PEPD: variants seen among roughly 807,000 people sequenced by gnomAD.
The protein encoded by PEPD is xaa-Pro dipeptidase.
A neutral mutation model predicts 60.7 loss-of-function variants in PEPD; 53 were observed. The observed-to-expected ratio is 0.87, with a 90% CI of 0.70 to 1.10. PEPD has a LOEUF of 1.10. Ranked by LOEUF, PEPD falls within the 50% of genes least tolerant of loss-of-function variation. The probability of loss-of-function intolerance (pLI) is 0.00; values close to 1 mark genes in which losing one functional copy is unlikely to be tolerated. For missense variants in PEPD, 711 were observed against 711.9 expected (o/e 1.00, Z 0.01); for synonymous variants, 267 against 284.1 (o/e 0.94, Z 0.60).
chr19:33,422,721 C>T (rs543307924), intron 9 of PEPD, among the ~76,000 whole-genome samples: 1 of 151,524 alleles, frequency 6.6e-6, no homozygotes, highest in Non-Finnish European at 1.5e-5. Flanking sequence ...CCCATCTATC[C>T]ATCCATCCCT....
At chr19:33,514,781 GC>G (rs1182273482) in intron 1 of PEPD, among the ~76,000 whole-genome samples, 1 of 151,538 alleles carries the variant, frequency 6.6e-6, no homozygotes, top group Non-Finnish European at 1.5e-5. Flanking sequence ...ACAGCGCCCT[GC>G]CCCACAGCAC....
intron 9 of PEPD, among the ~76,000 whole-genome samples, chr19:33,429,804 C>T (rs1300939372): frequency 6.6e-6 from 1 of 152,162 alleles, no homozygotes; most frequent in Non-Finnish European, 1.5e-5. Context: ...CCACAAATGT[C>T]CCGATTGCAA....
At chr19:33,393,200 G>A (rs923150112) in intron 12 of PEPD, among the ~76,000 whole-genome samples, 1 of 149,252 alleles carries the variant, frequency 6.7e-6, no homozygotes, top group African/African-American at 2.5e-5. Context: ...GCCGTCCCGG[G>A]GTCTGGGGTC....
At chr19:33,410,016 G>A (rs868325300) in intron 11 of PEPD, among the ~76,000 whole-genome samples, 1 of 152,248 alleles carries the variant, frequency 6.6e-6, no homozygotes, top group Non-Finnish European at 1.5e-5. Flanking sequence ...CCCCGAGCAC[G>A]GTGGCTACGC....
intron 9 of PEPD, among the ~76,000 whole-genome samples, chr19:33,427,209 G>A (rs1315206671): frequency 1.3e-5 from 2 of 152,200 alleles, no homozygotes; most frequent in Non-Finnish European, 2.9e-5. Context: ...GAGTGCCTTG[G>A]CCAGGGATGC....
chr19:33,505,868 C>T (rs1970791770), intron 3 of PEPD, among the ~76,000 whole-genome samples: 1 of 133,230 alleles, frequency 7.5e-6, no homozygotes, highest in South Asian at 2.8e-4. Flanking sequence ...CCCACCACAC[C>T]CCATCACAAA....
At chr19:33,434,252 C>T (rs1969332109) in intron 9 of PEPD, among the ~76,000 whole-genome samples, 1 of 152,170 alleles carries the variant, frequency 6.6e-6, no homozygotes, top group Non-Finnish European at 1.5e-5. Flanking sequence ...CCGCCATACA[C>T]AGGCTTGGCA....
intron 13 of PEPD, among the ~76,000 whole-genome samples, 195 bp downstream of exon 13, chr19:33,391,100 A>T (rs1278087351): frequency 6.6e-6 from 1 of 152,040 alleles, no homozygotes; most frequent in Non-Finnish European, 1.5e-5. Context: ...TGGAATGCTC[A>T]CAGATGCACC....
intron 1 of PEPD, among the ~76,000 whole-genome samples, chr19:33,517,666 A>G (rs193129920): frequency 4.9e-4 from 74 of 151,786 alleles, no homozygotes; most frequent in Admixed American, 2.0e-3. Flanking sequence ...AGATCTCTGC[A>G]CTAGAATGTG....
At position 33,510,931 on chromosome 19, in the gene PEPD, C is replaced by G. The variant is rs562801221; in HGVS notation, c.329+97G>C. On this transcript the variant is annotated intron_variant, in intron 3 of 14. Coordinates refer to ENST00000244137, the MANE Select transcript of PEPD (RefSeq NM_000285.4). ...CCTCCTGCAGCTCTTCCCTCCTCCCCGTCCCCAGGCCCAACCCAGCTCTCT... is the reference window on the plus strand; with the variant it reads ...CCTCCTGCAGCTCTTCCCTCCTCCCGGTCCCCAGGCCCAACCCAGCTCTCT... 27 of 1,310,350 alleles carry G rather than the reference C, an allele frequency of 2.1e-5. No individual in the cohort carries two copies. The East Asian group carries it at 6.7e-4, about 33-fold the overall frequency. The allele number at this position is 1,310,350 out of a possible 1,614,324, so 81.2% of individuals were successfully genotyped here. A position where few individuals can be genotyped will look rare whatever the true frequency, so the allele number is the denominator to read the frequency against.
intron 1 of PEPD, among the ~76,000 whole-genome samples, 161 bp downstream of exon 1, chr19:33,521,583 G>T (rs1971135956): frequency 6.6e-6 from 1 of 152,238 alleles, no homozygotes; most frequent in African/African-American, 2.4e-5. Context: ...GACTCGGAGC[G>T]TGCAGCTCGC....
chr19:33,401,934 TC>T, intron 11 of PEPD, 65 bp from the exon 12 acceptor site: 1 of 1,517,762 alleles, frequency 6.6e-7, no homozygotes, highest in Non-Finnish European at 9.1e-7. Context: ...CCCTTACCGC[TC>T]CCCACCTGCC....
chr19:33,470,702 G>A (rs974285514), intron 7 of PEPD, among the ~76,000 whole-genome samples: 3 of 152,134 alleles, frequency 2.0e-5, no homozygotes, highest in Non-Finnish European at 4.4e-5. Context: ...TCCTTCCACC[G>A]AAGCCAGACA....
intron 3 of PEPD, among the ~76,000 whole-genome samples, chr19:33,505,522 T>C (rs1970782843): frequency 6.6e-6 from 1 of 151,864 alleles, no homozygotes; most frequent in African/African-American, 2.4e-5. Context: ...CAGCCCCTTC[T>C]CAGAGGCCTG....
intron 3 of PEPD, among the ~76,000 whole-genome samples, chr19:33,509,109 G>A (rs1167289475): frequency 6.6e-6 from 1 of 152,214 alleles, no homozygotes; most frequent in African/African-American, 2.4e-5. Flanking sequence ...CCAGCACGCT[G>A]AGCCATCTCC....
chr19:33,453,312 A>AT (rs1354467751), intron 9 of PEPD, among the ~76,000 whole-genome samples: 5 of 149,008 alleles, frequency 3.4e-5, no homozygotes, highest in African/African-American at 1.2e-4. Flanking sequence ...AAACACTGTC[A>AT]TAAAAAAATA....
At chr19:33,390,167 G>A (rs887377015) in intron 13 of PEPD, among the ~76,000 whole-genome samples, 1 of 152,246 alleles carries the variant, frequency 6.6e-6, no homozygotes, top group African/African-American at 2.4e-5. Context: ...TTATCTGTCA[G>A]AAGAATAGAC....
Position 33,512,906 on chromosome 19 carries a change from C to T in PEPD, c.18-130G>A, listed in dbSNP as rs1238501809. 8.7e-6 allele frequency: 8 copies of T among 919,826 alleles called. No individual in the cohort carries two copies. In the African/African-American group the frequency reaches 1.1e-4, roughly 13 times the overall value. The allele number at this position is 919,826 out of a possible 1,614,324, so 57.0% of individuals were successfully genotyped here. ...CCCCCATCAGCACGGGGCAAGCTGC[C>T]CAAGCTCCACCTACTTATGACCCAG... On this transcript the variant is annotated intron_variant, in intron 1 of 14. Transcript: ENST00000244137.
intron 1 of PEPD, among the ~76,000 whole-genome samples, chr19:33,520,361 T>C (rs1171522626): frequency 6.6e-6 from 1 of 152,192 alleles, no homozygotes. Context: ...ATCTGAGACT[T>C]TGTCTGCACT....
Sources: gnomAD v4.1 joint callset for allele counts (sites outside exome capture counted in the v4.1 genomes callset) on GRCh38, gnomAD v4.1.1 for gene constraint, MANE v1.5 for transcripts, NCBI Gene and HGNC (gene_info 2026-07-23, HGNC 2026-07-21) for gene names.